BET1: variants seen among roughly 807,000 people sequenced by gnomAD.
BET1 encodes the protein BET1 homolog.
A neutral mutation model predicts 13.9 loss-of-function variants in BET1; 9 were observed. The observed-to-expected ratio is 0.65, with a 90% CI of 0.39 to 1.13. The LOEUF (loss-of-function observed/expected upper bound fraction) is 1.13. Ranked by LOEUF, BET1 falls within the 50% of genes most tolerant of loss-of-function variation. The pLI is 0.01. For missense variants in BET1, 127 were observed against 133.6 expected (o/e 0.95, Z 0.24); for synonymous variants, 39 against 47.3 (o/e 0.82, Z 0.72).
chr7:93,995,972 G>A (rs969298894), intron 3 of BET1: 1 of 424,910 alleles, frequency 2.4e-6, no homozygotes, highest in African/African-American at 2.1e-5. Flanking sequence ...CTACTATTGA[G>A]ACTTCTAAGA....
At chr7:93,971,737 TTATTA>T (rs1795261321) in intron 6 of BET1, among the ~76,000 whole-genome samples, 1 of 151,778 alleles carries the variant, frequency 6.6e-6, no homozygotes, top group African/African-American at 2.4e-5. Context: ...AATTACATAG[TTATTA>T]TATTATAGGT....
intron 4 of BET1, among the ~76,000 whole-genome samples, chr7:93,981,658 A>G (rs1291477680): frequency 2.6e-5 from 4 of 152,192 alleles, no homozygotes; most frequent in Non-Finnish European, 5.9e-5. Flanking sequence ...GAATTCAAGT[A>G]ATGTATCAGC....
At position 93,993,689 on chromosome 7, in the gene BET1, T is replaced by C; in HGVS notation, c.*541A>G. On this transcript the variant is annotated 3_prime_UTR_variant, in exon 4 of 4. Coordinates refer to ENST00000222547, the MANE Select transcript of BET1 (RefSeq NM_005868.6). ...TTGGGCAGAAAGAAATGAGGGGTCA[T>C]TATCATCAAAAATTATTAGGAAGAT... 3 of 1,348,768 alleles carry C rather than the reference T, an allele frequency of 2.2e-6. No homozygotes were observed. The highest frequency in any genetic ancestry group is 2.8e-6 in the Non-Finnish European group (3 of 1,056,714). The allele number at this position is 1,348,768 out of a possible 1,614,324, so 83.6% of individuals were successfully genotyped here.
chr7:93,986,385 G>A (rs141203947), intron 4 of BET1, among the ~76,000 whole-genome samples: 1,736 of 152,246 alleles, frequency 0.011, 17 homozygotes, highest in Non-Finnish European at 0.016. Flanking sequence ...TGGATTGCCT[G>A]TTCTGAAAGT....
At chr7:93,993,222 G>A (rs2116109348), downstream of BET1, 1 of 980,922 alleles carries the variant, frequency 1.0e-6, no homozygotes, top group South Asian at 4.7e-5. Flanking sequence ...TACTGAGAAT[G>A]TAAAAGAGAC....
intron 4 of BET1, chr7:93,976,234 A>C: frequency 1.6e-6 from 1 of 617,594 alleles, no homozygotes. Context: ...AATTAATGGA[A>C]GGCTTATGTG....
chr7:93,962,929 TTAAC>T (rs1363526941), exon 7 of BET1: 1 of 152,108 alleles, frequency 6.6e-6, no homozygotes, highest in African/African-American at 2.4e-5. Context: ...ATTAGACTCT[TTAAC>T]TATTGGAAAT....
In BET1 at chr7:94,004,266, G is replaced by A; in HGVS notation, c.-50C>T. The stretch of plus-strand genomic sequence containing the variant: ...GCGGGTGCGGGGCTTTGGGTGAGTA[G>A]GAAACAGCTAGGGGCGACCCGGACC... On this transcript the variant is annotated 5_prime_UTR_variant, in exon 1 of 4. Transcript: ENST00000222547. 2 of 1,613,872 alleles carry A rather than the reference G, an allele frequency of 1.2e-6. No individual in the cohort carries two copies.
At chr7:93,984,199 C>T (rs1246217524) in intron 4 of BET1, among the ~76,000 whole-genome samples, 2 of 152,136 alleles carry the variant, frequency 1.3e-5, no homozygotes, top group Non-Finnish European at 1.5e-5. Context: ...TCTGTCTCCA[C>T]AGGGCATTTT....
In BET1 at chr7:93,993,702, T is replaced by G. The variant is rs966401114; in HGVS notation, c.*528A>C. On this transcript the variant is annotated 3_prime_UTR_variant, in exon 4 of 4. Coordinates refer to ENST00000222547, the MANE Select transcript of BET1 (RefSeq NM_005868.6). Reference sequence around the variant, plus strand: ...AATGAGGGGTCATTATCATCAAAAATTATTAGGAAGATTGTAGGTAAAAAG... The same window carrying G: ...AATGAGGGGTCATTATCATCAAAAAGTATTAGGAAGATTGTAGGTAAAAAG... 1 of 1,354,786 alleles carries G rather than the reference T, an allele frequency of 7.4e-7. No homozygotes were observed. Among genetic ancestry groups the G allele is most frequent in the African/African-American group, 1.5e-5 (1 of 66,998 alleles). The allele number at this position is 1,354,786 out of a possible 1,614,324, so 83.9% of individuals were successfully genotyped here. A position where few individuals can be genotyped will look rare whatever the true frequency, so the allele number is the denominator to read the frequency against.
downstream of BET1, among the ~76,000 whole-genome samples, chr7:93,991,205 T>C (rs1795626906): frequency 3.3e-5 from 5 of 152,188 alleles, no homozygotes; most frequent in Admixed American, 3.3e-4. Context: ...GGTTAATAAA[T>C]GTAGGAAGAT....
At chr7:93,970,969 G>A (rs1795250831) in intron 6 of BET1, among the ~76,000 whole-genome samples, 1 of 151,670 alleles carries the variant, frequency 6.6e-6, no homozygotes, top group Admixed American at 6.6e-5. Context: ...CCCTGAATAG[G>A]GGGACATGCT....
At chr7:93,982,700 C>A (rs2116071181) in intron 4 of BET1, among the ~76,000 whole-genome samples, 1 of 152,188 alleles carries the variant, frequency 6.6e-6, no homozygotes, top group South Asian at 2.1e-4. Flanking sequence ...TAGATTATAT[C>A]TCCAAAGACA....
At chr7:93,984,475 C>T (rs1795488508) in intron 4 of BET1, among the ~76,000 whole-genome samples, 1 of 151,996 alleles carries the variant, frequency 6.6e-6, no homozygotes, top group South Asian at 2.1e-4. Flanking sequence ...AATAGGTGAA[C>T]ATTAATTGTA....
downstream of BET1, chr7:93,992,561 A>G: frequency 1.0e-6 from 1 of 985,354 alleles, no homozygotes; most frequent in Non-Finnish European, 1.2e-6. Flanking sequence ...TACAGTTAAA[A>G]ACTTCTTGAA....
chr7:93,963,624 A>C (rs1204525636), exon 7 of BET1: 1 of 152,058 alleles, frequency 6.6e-6, no homozygotes, highest in Non-Finnish European at 1.5e-5. Flanking sequence ...ACTGATCTTT[A>C]AGTTGTCTTC....
exon 5 of BET1, chr7:93,975,974 TG>T: frequency 7.8e-7 from 1 of 1,274,810 alleles, no homozygotes. Context: ...TCTGCAGCTG[TG>T]ATAGATGGCA....
intron 6 of BET1, among the ~76,000 whole-genome samples, chr7:93,966,914 T>C (rs956360051): frequency 6.6e-6 from 1 of 151,876 alleles, no homozygotes; most frequent in Non-Finnish European, 1.5e-5. Flanking sequence ...CTAAATGAGA[T>C]GTTTCTTATG....
Position 93,994,271 on chromosome 7 carries a change from A to G in BET1, c.316T>C (p.Phe106Leu). Reference sequence around the variant, plus strand: ...ATCCAATAAATGATAAAAAAGACAAATAAAGAAAACAGCATCATATAGCAC... The same window carrying G: ...ATCCAATAAATGATAAAAAAGACAAGTAAAGAAAACAGCATCATATAGCAC... The part of the protein sequence containing the change: ...LLCYMMLFSL[F>L]VFFIIYWIIK... The change falls in exon 4 of 4, where the codon TTT (phenylalanine) becomes CTT (leucine). Residue 106 changes from phenylalanine to leucine, a missense_variant. Physicochemically the swap from Phe to Leu is conservative, Grantham distance 22. Transcript: ENST00000222547. 1 of 1,610,142 alleles carries G rather than the reference A, an allele frequency of 6.2e-7. No individual in the cohort carries two copies. The highest frequency in any genetic ancestry group is 8.5e-7 in the Non-Finnish European group (1 of 1,178,784).
Sources: allele counts gnomAD v4.1 joint callset (sites outside exome capture counted in the v4.1 genomes callset), GRCh38; gene constraint gnomAD v4.1.1; transcripts MANE v1.5; gene names NCBI Gene and HGNC (gene_info 2026-07-23, HGNC 2026-07-21).